The following PCBP3 variants were observed in gnomAD, a reference collection of about 807,000 sequenced individuals.
PCBP3 encodes poly(rC)-binding protein 3.
A neutral mutation model predicts 52.7 loss-of-function variants in PCBP3; 25 were observed. The observed-to-expected ratio is 0.47, with a 90% CI of 0.35 to 0.66. The LOEUF is 0.66. Among genes scored for constraint, PCBP3 ranks in the 30% least tolerant of loss-of-function variants. The pLI, the probability that PCBP3 is intolerant of heterozygous loss-of-function variation, is 0.01. For missense variants in PCBP3, 391 were observed against 490.3 expected (o/e 0.80, Z 1.91); for synonymous variants, 162 against 183.0 (o/e 0.89, Z 0.93).
At chr21:45,758,995 A>G (rs988477180) in intron 4 of PCBP3, among the ~76,000 whole-genome samples, 1 of 152,226 alleles carries the variant, frequency 6.6e-6, no homozygotes, top group African/African-American at 2.4e-5. Context: ...ATGGCAAATT[A>G]CTTTGATTTT....
chr21:45,732,125 T>A (rs974454753), intron 2 of PCBP3, among the ~76,000 whole-genome samples: 1 of 152,150 alleles, frequency 6.6e-6, no homozygotes, highest in Admixed American at 6.5e-5. Context: ...TTTACTTTTA[T>A]ATTTGAAAGT....
chr21:45,842,208 T>TTGTTG (rs1362066341), intron 4 of PCBP3, among the ~76,000 whole-genome samples: 14 of 152,206 alleles, frequency 9.2e-5, no homozygotes, highest in East Asian at 7.7e-4. Flanking sequence ...TAGTTCTTTT[T>TTGTTG]TGTTGTGTTG....
intron 9 of PCBP3, among the ~76,000 whole-genome samples, chr21:45,906,097 C>T (rs181380663): frequency 1.3e-5 from 2 of 152,282 alleles, no homozygotes; most frequent in East Asian, 3.9e-4. Context: ...TCAGTGACCC[C>T]CAGGGCGTGA....
chr21:45,657,646 A>AT lies in PCBP3; in HGVS notation c.-278-11223dup, dbSNP rs377013619. 1.3e-3 allele frequency among the ~76,000 whole-genome samples: 198 copies of AT among 150,396 alleles called. 2 individuals are homozygous for AT. The highest frequency in any genetic ancestry group is 4.3e-3 in the African/African-American group (178 of 41,046). On this transcript the variant is annotated intron_variant, in intron 1 of 17. Transcript: ENST00000681687. ...TCCTGGTCCCTTGCATTTTCATATG[A>AT]TTTTTAGGTTTGGTTTGTCACTTTC... is the stretch of plus-strand genomic sequence containing the variant.
intron 4 of PCBP3, among the ~76,000 whole-genome samples, chr21:45,820,395 GC>G (rs2093097214): frequency 6.6e-6 from 1 of 152,240 alleles, no homozygotes; most frequent in Admixed American, 6.5e-5. Flanking sequence ...GGAGTGCCAG[GC>G]CCAGGAGGAT....
In PCBP3 at chr21:45,656,082, T is replaced by C. The variant is rs983362456; in HGVS notation, c.-279+12214T>C. 6.6e-6 allele frequency among the ~76,000 whole-genome samples: 1 copy of C among 152,234 alleles called. No individual in the cohort carries two copies. The highest frequency in any genetic ancestry group is 2.4e-5 in the African/African-American group (1 of 41,460). ...AGTTCAACCATTGTGGAAGACAGTG[T>C]GGCGATTTCTCAAGGATCTAGAACC... On this transcript the variant is annotated intron_variant, in intron 1 of 17. Transcript: ENST00000681687. This position sits in a 1 kb window ranked among gnomAD's most constrained non-coding sequence, Gnocchi z 4.3.
At position 45,862,187 on chromosome 21, in the gene PCBP3, G is replaced by C. The variant is rs575111405; in HGVS notation, c.10+12092G>C. 1.6e-3 allele frequency among the ~76,000 whole-genome samples: 155 copies of C among 98,908 alleles called. 2 individuals carry two copies. Among genetic ancestry groups the C allele is most frequent in the African/African-American group, 6.4e-3 (150 of 23,512 alleles). The allele number at this position is 98,908 out of a possible 152,430, so 64.9% of individuals were successfully genotyped here. A position where few individuals can be genotyped will look rare whatever the true frequency, so the allele number is the denominator to read the frequency against. ...TAAGTTTCAACATAGGAATTGGGGC[G>C]GGTGGGGGGACACGTACATTTAAAT... is the stretch of plus-strand genomic sequence containing the variant. On this transcript the variant is annotated intron_variant, in intron 5 of 17. Transcript: ENST00000681687.
rs988021539 is a variant in PCBP3, at chr21:45,737,999, A to G, written c.-162+2570A>G. Among the ~76,000 whole-genome samples, 2 of 152,144 alleles carry G rather than the reference A, an allele frequency of 1.3e-5. No individual in the cohort carries two copies. The highest frequency in any genetic ancestry group is 2.9e-5 in the Non-Finnish European group (2 of 68,034). On this transcript the variant is annotated intron_variant, in intron 3 of 17. Coordinates refer to ENST00000681687, the MANE Select transcript of PCBP3 (RefSeq NM_001384156.1). This position sits in a 1 kb window ranked among gnomAD's most constrained non-coding sequence, Gnocchi z 4.9. ...GAGAGAGCGATGAATGTAGGCCTCC[A>G]TGGAGAAGCACAGGTGCCTTCCCTG... is the stretch of plus-strand genomic sequence containing the variant.
intron 4 of PCBP3, among the ~76,000 whole-genome samples, chr21:45,764,816 G>T (rs1305830521): frequency 6.6e-6 from 1 of 151,252 alleles, no homozygotes; most frequent in Non-Finnish European, 1.5e-5. Flanking sequence ...TCGTCTGTGT[G>T]CTTGCTAAGT....
intron 1 of PCBP3, among the ~76,000 whole-genome samples, chr21:45,651,914 CT>C (rs1054007609): frequency 6.6e-6 from 1 of 152,158 alleles, no homozygotes; most frequent in African/African-American, 2.4e-5. Flanking sequence ...ATCTAGGTTC[CT>C]GTTTTCTTAA....
At chr21:45,716,749 G>A (rs1386177432) in intron 2 of PCBP3, among the ~76,000 whole-genome samples, 1 of 152,186 alleles carries the variant, frequency 6.6e-6, no homozygotes, top group Non-Finnish European at 1.5e-5. Flanking sequence ...ATATGACAAT[G>A]TATTGAGTGC....
At chr21:45,929,435 G>A (rs985494725) in intron 13 of PCBP3, among the ~76,000 whole-genome samples, 1 of 152,206 alleles carries the variant, frequency 6.6e-6, no homozygotes, top group African/African-American at 2.4e-5. Flanking sequence ...AGTGGGCCAG[G>A]CCTAGCACAG....
At chr21:45,891,177 G>T (rs373152487) in intron 5 of PCBP3, among the ~76,000 whole-genome samples, 1 of 135,778 alleles carries the variant, frequency 7.4e-6, no homozygotes, top group Non-Finnish European at 1.6e-5. Flanking sequence ...TGGAACCGCC[G>T]TGCCGCAGTC....
At chr21:45,772,434 A>G (rs188493728) in intron 4 of PCBP3, among the ~76,000 whole-genome samples, 1 of 152,278 alleles carries the variant, frequency 6.6e-6, no homozygotes, top group Admixed American at 6.5e-5. Flanking sequence ...CTTTGTGTAT[A>G]TATACTACAT....
At chr21:45,815,348 A>G (rs868854959) in intron 4 of PCBP3, among the ~76,000 whole-genome samples, 21 of 9,054 alleles carry the variant, frequency 2.3e-3, no homozygotes, top group South Asian at 0.011. Context: ...GTGGTGAGTG[A>G]TGAGTGGTGA....
intron 4 of PCBP3, among the ~76,000 whole-genome samples, chr21:45,845,054 C>G (rs1270598814): frequency 6.6e-6 from 1 of 152,122 alleles, no homozygotes; most frequent in Non-Finnish European, 1.5e-5. Context: ...TGAATATCTT[C>G]TAAACTGTTC....
At chr21:45,645,683 G>A (rs146144798) in intron 1 of PCBP3, among the ~76,000 whole-genome samples, 1 of 152,308 alleles carries the variant, frequency 6.6e-6, no homozygotes, top group Non-Finnish European at 1.5e-5. Flanking sequence ...AGCCTCACGA[G>A]CTTCTTGAAC....
chr21:45,662,698 C>A (rs117885543), intron 1 of PCBP3, among the ~76,000 whole-genome samples: 1 of 151,690 alleles, frequency 6.6e-6, no homozygotes, highest in African/African-American at 2.4e-5. Context: ...TAGAAAAAAC[C>A]GGGCCATACA....
intron 2 of PCBP3, among the ~76,000 whole-genome samples, chr21:45,731,289 G>A (rs1372009358): frequency 6.6e-6 from 1 of 152,102 alleles, no homozygotes; most frequent in Non-Finnish European, 1.5e-5. Flanking sequence ...AGGACACCAG[G>A]GATAAATCTC....
Sources: gnomAD v4.1 joint callset for allele counts (sites outside exome capture counted in the v4.1 genomes callset) on GRCh38, gnomAD v4.1.1 for gene constraint, Gnocchi (gnomAD v3.1) non-coding constraint, MANE v1.5 for transcripts, NCBI Gene and HGNC (gene_info 2026-07-23, HGNC 2026-07-21) for gene names.